ITGA9: variants seen among roughly 807,000 people sequenced by gnomAD.
ITGA9 encodes integrin subunit alpha 9, also known as integrin alpha-9.
A neutral mutation model predicts 127.8 loss-of-function variants in ITGA9; 56 were observed. The observed-to-expected ratio is 0.44, with a 90% CI of 0.35 to 0.55. The LOEUF is 0.55. ITGA9 is among the 20% of genes least tolerant of loss of function. The pLI is 0.00. For synonymous variants in ITGA9, 508 were observed against 514.5 expected (o/e 0.99, Z 0.17); for missense variants, 1,196 against 1,347.1 (o/e 0.89, Z 1.76).
At chr3:37,778,169 A>T (rs1696930367) in intron 24 of ITGA9, among the ~76,000 whole-genome samples, 1 of 152,234 alleles carries the variant, frequency 6.6e-6, no homozygotes, top group South Asian at 2.1e-4. Flanking sequence ...GAAGTTCAGA[A>T]ATAGCAAAAA....
chr3:37,510,392 C>T (rs2125574443), intron 8 of ITGA9, among the ~76,000 whole-genome samples: 1 of 152,280 alleles, frequency 6.6e-6, no homozygotes, highest in East Asian at 1.9e-4. Context: ...TCCTTCCCTG[C>T]CCTACTCCTT....
intron 16 of ITGA9, among the ~76,000 whole-genome samples, chr3:37,644,955 T>C (rs1240908345): frequency 6.6e-6 from 1 of 152,196 alleles, no homozygotes; most frequent in African/African-American, 2.4e-5. Flanking sequence ...TGGGGCTGAA[T>C]GGAGCTGAAA....
chr3:37,695,979 A>T (rs2125670013), intron 18 of ITGA9, among the ~76,000 whole-genome samples: 1 of 152,260 alleles, frequency 6.6e-6, no homozygotes, highest in East Asian at 1.9e-4. Flanking sequence ...GCTTTCCCTG[A>T]TGGTGCTTTT....
At chr3:37,464,718 A>AC (rs1698352187) in intron 1 of ITGA9, among the ~76,000 whole-genome samples, 1 of 152,176 alleles carries the variant, frequency 6.6e-6, no homozygotes, top group South Asian at 2.1e-4. Flanking sequence ...CTGGCTTAAA[A>AC]CCCTAGAAAG....
At chr3:37,769,907 A>C (rs1301237827) in intron 23 of ITGA9, among the ~76,000 whole-genome samples, 1 of 152,152 alleles carries the variant, frequency 6.6e-6, no homozygotes, top group Non-Finnish European at 1.5e-5. Flanking sequence ...TTTGGGCTTC[A>C]GTATGTGGAA....
At chr3:37,459,856 C>G (rs1698297918) in intron 1 of ITGA9, among the ~76,000 whole-genome samples, 1 of 152,190 alleles carries the variant, frequency 6.6e-6, no homozygotes, top group African/African-American at 2.4e-5. Context: ...GCAGTAGCTT[C>G]TCTGCGGCAC....
At chr3:37,567,908 G>A (rs749404851) in intron 15 of ITGA9, among the ~76,000 whole-genome samples, 7 of 152,138 alleles carry the variant, frequency 4.6e-5, no homozygotes, top group Non-Finnish European at 8.8e-5. Context: ...CAGGTTCATG[G>A]CACAAGCAGT....
intron 4 of ITGA9, among the ~76,000 whole-genome samples, chr3:37,483,553 C>G (rs1251561103): frequency 6.6e-6 from 1 of 152,186 alleles, no homozygotes; most frequent in African/African-American, 2.4e-5. Context: ...AGCACGTTAC[C>G]TGGGCGAGTG....
At chr3:37,805,696 CTT>C (rs1284604779) in intron 27 of ITGA9, 2 of 152,052 alleles carry the variant, frequency 1.3e-5, no homozygotes, top group Non-Finnish European at 2.9e-5. Flanking sequence ...GAGTTTTGCT[CTT>C]GTCTCCCAGG....
At chr3:37,734,279 A>G (rs1393818141) in intron 19 of ITGA9, among the ~76,000 whole-genome samples, 1 of 152,244 alleles carries the variant, frequency 6.6e-6, no homozygotes, top group East Asian at 1.9e-4. Flanking sequence ...GGGTGGAGAT[A>G]AAGGAGGACG....
At chr3:37,499,429 G>C (rs1032519508) in intron 5 of ITGA9, among the ~76,000 whole-genome samples, 1 of 152,202 alleles carries the variant, frequency 6.6e-6, no homozygotes, top group Non-Finnish European at 1.5e-5. Context: ...AATGCATCTT[G>C]GGAAAAAGCT....
Position 37,546,413 on chromosome 3 carries a change from T to C in ITGA9, c.1689+3828T>C, listed in dbSNP as rs115298805. ...ATATGAGAGTTGTTTTACAGAGTCA[T>C]GCCTATGTGCCATGGAAATCCACCT... On this transcript the variant is annotated intron_variant, in intron 15 of 27. Transcript: ENST00000264741. 2.6e-3 allele frequency among the ~76,000 whole-genome samples: 399 copies of C among 152,332 alleles called. 2 individuals carry two copies. Among genetic ancestry groups the C allele is most frequent in the African/African-American group, 9.0e-3 (375 of 41,572 alleles).
intron 1 of ITGA9, among the ~76,000 whole-genome samples, chr3:37,470,446 A>G (rs1698418882): frequency 6.6e-6 from 1 of 152,242 alleles, no homozygotes; most frequent in South Asian, 2.1e-4. Flanking sequence ...GATAACTAAC[A>G]TAGTTGAGCA....
intron 11 of ITGA9, among the ~76,000 whole-genome samples, chr3:37,521,512 G>T (rs1408517018): frequency 6.6e-6 from 1 of 152,198 alleles, no homozygotes; most frequent in Non-Finnish European, 1.5e-5. Flanking sequence ...TGCTGGAGGG[G>T]ACACTGCATA....
rs751192392 is a variant in ITGA9 at position 37,780,061 on chromosome 3, G to C, written c.2787+40G>C. ...ACCGCACTTGTGGATGCATTTAGAA[G>C]CATTTGAATTGTTGACATCTGATTT... On this transcript the variant is annotated intron_variant, in intron 25 of 27. Coordinates refer to ENST00000264741, the MANE Select transcript of ITGA9 (RefSeq NM_002207.3). The C allele has an allele frequency of 2.3e-5, 37 of 1,611,340 alleles. 1 individual carries two copies. In the South Asian group the frequency reaches 4.0e-4, roughly 17 times the overall value.
intron 15 of ITGA9, among the ~76,000 whole-genome samples, chr3:37,591,333 T>G (rs1237457838): frequency 6.6e-6 from 1 of 152,196 alleles, no homozygotes; most frequent in African/African-American, 2.4e-5. Flanking sequence ...AGACCTTGGC[T>G]GAAGTAGGGA....
chr3:37,639,889 A>T (rs528289438), intron 16 of ITGA9, among the ~76,000 whole-genome samples: 1 of 152,166 alleles, frequency 6.6e-6, no homozygotes, highest in Non-Finnish European at 1.5e-5. Context: ...GAAGGGAGCA[A>T]TGCTGTCCTT....
At chr3:37,593,936 GGC>G (rs1699844627) in intron 15 of ITGA9, among the ~76,000 whole-genome samples, 2 of 21,030 alleles carry the variant, frequency 9.5e-5, no homozygotes, top group African/African-American at 3.7e-4. Flanking sequence ...GCTCGAAACT[GGC>G]ATGACTCAGG....
At position 37,821,901 on chromosome 3, in the gene ITGA9, C is replaced by A. The variant is rs897537674; in HGVS notation, c.*2912C>A. 6.6e-6 allele frequency: 1 copy of A among 152,038 alleles called. No homozygotes were observed. Among genetic ancestry groups the A allele is most frequent in the South Asian group, 2.1e-4 (1 of 4,812 alleles). 9.4% of individuals were successfully genotyped at this position (152,038 alleles called of 1,614,324 possible). A position where few individuals can be genotyped will look rare whatever the true frequency, so the allele number is the denominator to read the frequency against. ...AGGATGATGCCTCTGCTGGTCTGAT[C>A]GTGCTGAGTAGCAGGTGGGCTACGG... On this transcript the variant is annotated 3_prime_UTR_variant, in exon 28 of 28. Transcript: ENST00000264741.
Sources: allele counts gnomAD v4.1 joint callset (sites outside exome capture counted in the v4.1 genomes callset), GRCh38; gene constraint gnomAD v4.1.1; transcripts MANE v1.5; gene names NCBI Gene and HGNC (gene_info 2026-07-23, HGNC 2026-07-21).